CAMK2D: variants seen among roughly 807,000 people sequenced by gnomAD.
The protein encoded by CAMK2D is calcium/calmodulin dependent protein kinase II delta.
A neutral mutation model predicts 84.0 loss-of-function variants in CAMK2D; 37 were observed. The observed-to-expected ratio is 0.44, with a 90% CI of 0.34 to 0.58. The LOEUF (loss-of-function observed/expected upper bound fraction) is 0.58, where lower values mean the gene tolerates loss of function less well. Among genes scored for constraint, CAMK2D ranks in the 20% least tolerant of loss-of-function variants. The pLI is 0.02. For synonymous variants in CAMK2D, 202 were observed against 212.5 expected (o/e 0.95, Z 0.43); for missense variants, 448 against 652.5 (o/e 0.69, Z 3.41).
At chr4:113,481,254 T>C (rs2097697975) in intron 16 of CAMK2D, among the ~76,000 whole-genome samples, 1 of 152,164 alleles carries the variant, frequency 6.6e-6, no homozygotes, top group African/African-American at 2.4e-5. Flanking sequence ...TTCCTTCCTC[T>C]ACCAATTAAA....
rs1298341709 is a variant in CAMK2D at position 113,709,746 on chromosome 4, G to GATATATACATATATATATATATATATAT, written c.161-47975_161-47974insATATATATATATATATATATGTATATAT. On this transcript the variant is annotated intron_variant, in intron 2 of 20. Transcript: ENST00000511664. ...GAGTGAAAAGCTAAAAGCCGTGAAC[G>GATATATACATATATATATATATATATAT]ATATATATATATATATATATATATA... 4.4e-4 allele frequency among the ~76,000 whole-genome samples: 22 copies of GATATATACATATATATATATATATATAT among 49,806 alleles called. 1 individual carries two copies. Among genetic ancestry groups the GATATATACATATATATATATATATATAT allele is most frequent in the African/African-American group, 2.4e-3 (21 of 8,928 alleles). 32.7% of individuals were successfully genotyped at this position (49,806 alleles called of 152,430 possible). A position where few individuals can be genotyped will look rare whatever the true frequency, so the allele number is the denominator to read the frequency against.
At chr4:113,467,362 A>G (rs1374278157) in intron 16 of CAMK2D, among the ~76,000 whole-genome samples, 2 of 152,198 alleles carry the variant, frequency 1.3e-5, no homozygotes. Flanking sequence ...CTGAAACTTC[A>G]GGTTACCTAG....
At chr4:113,487,591 T>C (rs188090062) in intron 16 of CAMK2D, among the ~76,000 whole-genome samples, 1 of 152,194 alleles carries the variant, frequency 6.6e-6, no homozygotes, top group East Asian at 1.9e-4. Flanking sequence ...ATGGAAACTT[T>C]AGAAACATAA....
intron 7 of CAMK2D, among the ~76,000 whole-genome samples, chr4:113,532,505 TGAA>T (rs2098464741): frequency 6.6e-6 from 1 of 152,190 alleles, no homozygotes; most frequent in African/African-American, 2.4e-5. Flanking sequence ...GCCTAAAGCT[TGAA>T]GATTTCCTCA....
chr4:113,759,511 G>A (rs1332659179), intron 1 of CAMK2D, 97 bp from the exon 2 acceptor site: 6 of 664,878 alleles, frequency 9.0e-6, no homozygotes, highest in African/African-American at 1.8e-5. Flanking sequence ...TTAGTGGATT[G>A]CCAGTGAAGT....
At chr4:113,628,820 A>G (rs892151028) in intron 3 of CAMK2D, among the ~76,000 whole-genome samples, 3 of 152,050 alleles carry the variant, frequency 2.0e-5, no homozygotes, top group African/African-American at 7.2e-5. Context: ...TCTATTTTTA[A>G]TATCTCCTAA....
chr4:113,694,014 C>T (rs931961922), intron 2 of CAMK2D, among the ~76,000 whole-genome samples: 2 of 152,150 alleles, frequency 1.3e-5, no homozygotes, highest in African/African-American at 4.8e-5. Context: ...CACTCCTCCT[C>T]TATATACAAT....
At chr4:113,737,622 A>G (rs533045516) in intron 2 of CAMK2D, among the ~76,000 whole-genome samples, 5 of 152,328 alleles carry the variant, frequency 3.3e-5, no homozygotes, top group African/African-American at 1.2e-4. Context: ...ACTTAAAAAC[A>G]GTTAAAATGG....
intron 16 of CAMK2D, among the ~76,000 whole-genome samples, chr4:113,496,850 T>G (rs17446418): frequency 0.18 from 27,854 of 152,166 alleles, 3,003 homozygotes; most frequent in Non-Finnish European, 0.26. Context: ...TTTTAAACAC[T>G]GAACAAAATT....
At chr4:113,709,908 G>A (rs900646636) in intron 2 of CAMK2D, among the ~76,000 whole-genome samples, 1 of 150,084 alleles carries the variant, frequency 6.7e-6, no homozygotes, top group African/African-American at 2.5e-5. Flanking sequence ...TTAATGCCAG[G>A]CACGGGGGTG....
At chr4:113,509,857 T>C (rs952005282) in intron 12 of CAMK2D, among the ~76,000 whole-genome samples, 182 bp from the exon 13 acceptor site, 2 of 152,190 alleles carry the variant, frequency 1.3e-5, no homozygotes, top group African/African-American at 4.8e-5. Flanking sequence ...CAGTATCACT[T>C]TTCTTGGTTT....
chr4:113,520,838 G>T (rs1419406106), intron 8 of CAMK2D, among the ~76,000 whole-genome samples: 2 of 152,006 alleles, frequency 1.3e-5, no homozygotes, highest in African/African-American at 4.8e-5. Flanking sequence ...GATTAGCCTA[G>T]CCAACATAGC....
chr4:113,492,237 G>T (rs1365582438), intron 16 of CAMK2D, among the ~76,000 whole-genome samples: 3 of 151,964 alleles, frequency 2.0e-5, no homozygotes, highest in African/African-American at 4.8e-5. Context: ...TGATGTTAGG[G>T]TGTCAATTTT....
rs377631435 is a variant in CAMK2D at position 113,457,751 on chromosome 4, G to A, written c.1307-188C>T. On this transcript the variant is annotated intron_variant, in intron 18 of 20. Coordinates refer to ENST00000511664, the MANE Select transcript of CAMK2D (RefSeq NM_001321571.2). The stretch of plus-strand genomic sequence containing the variant: ...TACAAAGCAAAAAAAGAATGAAAGT[G>A]GATACAGTCTTTATTTTATCTGGTT... 2.4e-3 allele frequency among the ~76,000 whole-genome samples: 362 copies of A among 152,220 alleles called. 1 individual carries two copies. Among genetic ancestry groups the A allele is most frequent in the Non-Finnish European group, 3.9e-3 (265 of 68,010 alleles).
At position 113,689,890 on chromosome 4, in the gene CAMK2D, G is replaced by A. The variant is rs139028546; in HGVS notation, c.161-28118C>T. On this transcript the variant is annotated intron_variant, in intron 2 of 20. Coordinates refer to ENST00000511664, the MANE Select transcript of CAMK2D (RefSeq NM_001321571.2). ...CTAACTTCTTGAAGGCAGGGAACAC[G>A]TTGTCTTGTTTACCACTGTTTCTTC... Among the ~76,000 whole-genome samples the A allele has an allele frequency of 4.6e-4, 70 of 152,248 alleles. 1 individual carries two copies. The highest frequency in any genetic ancestry group is 4.1e-3 in the Admixed American group (63 of 15,288).
chr4:113,693,327 G>T (rs1232786309), intron 2 of CAMK2D, among the ~76,000 whole-genome samples: 1 of 152,120 alleles, frequency 6.6e-6, no homozygotes, highest in African/African-American at 2.4e-5. Context: ...GAGGGCCTTA[G>T]CTAGTTCTGC....
intron 16 of CAMK2D, among the ~76,000 whole-genome samples, chr4:113,481,853 A>T (rs1485668654): frequency 1.3e-5 from 2 of 152,226 alleles, no homozygotes; most frequent in African/African-American, 4.8e-5. Flanking sequence ...TTGGTCAGAG[A>T]CTTAAAAAGA....
intron 4 of CAMK2D, among the ~76,000 whole-genome samples, chr4:113,573,870 A>G (rs539070055): frequency 3.3e-5 from 5 of 152,126 alleles, no homozygotes; most frequent in Admixed American, 2.6e-4. Flanking sequence ...TGTTTTTACT[A>G]TCTACTTCTT....
chr4:113,656,256 A>C (rs2099199650), intron 3 of CAMK2D, among the ~76,000 whole-genome samples: 1 of 152,152 alleles, frequency 6.6e-6, no homozygotes, highest in Non-Finnish European at 1.5e-5. Flanking sequence ...TGGCTAGAGC[A>C]CAGCAAAGAT....
Sources: gnomAD v4.1 joint callset for allele counts (sites outside exome capture counted in the v4.1 genomes callset) on GRCh38, gnomAD v4.1.1 for gene constraint, MANE v1.5 for transcripts, NCBI Gene and HGNC (gene_info 2026-07-23, HGNC 2026-07-21) for gene names.